Variants in DCHS2 observed in about 807,000 individuals in gnomAD.
DCHS2 encodes dachsous cadherin-related 2, also known as protocadherin-23.
DCHS2 carries 142 observed loss-of-function variants against 182.4 expected under a neutral mutation model. The observed-to-expected ratio is 0.78, with a 90% confidence interval of 0.68 to 0.89. The LOEUF (loss-of-function observed/expected upper bound fraction) is 0.89, where lower values mean the gene tolerates loss of function less well. Among genes scored for constraint, DCHS2 ranks in the 40% least tolerant of loss-of-function variants. The probability of loss-of-function intolerance (pLI) is 0.00; values close to 1 mark genes in which losing one functional copy is unlikely to be tolerated. For synonymous variants in DCHS2, 1,740 were observed against 1,663.3 expected (o/e 1.05, Z -1.12); for missense variants, 4,319 against 4,198.6 (o/e 1.03, Z -0.79).
chr4:154,317,741 A>G (rs1334174066), intron 9 of DCHS2, among the ~76,000 whole-genome samples: 1 of 152,204 alleles, frequency 6.6e-6, no homozygotes, highest in Non-Finnish European at 1.5e-5. Flanking sequence ...CTTCCATCAA[A>G]CTACATAAAA....
intron 1 of DCHS2, among the ~76,000 whole-genome samples, chr4:154,425,266 C>A (rs1733274827): frequency 6.6e-6 from 1 of 152,196 alleles, no homozygotes; most frequent in African/African-American, 2.4e-5. Flanking sequence ...CTGTACCATG[C>A]CTGCGTTGTG....
chr4:154,451,637 C>T (rs894706517), intron 1 of DCHS2, among the ~76,000 whole-genome samples: 14 of 152,092 alleles, frequency 9.2e-5, no homozygotes, highest in African/African-American at 2.4e-4. Context: ...TGAAAGTGGA[C>T]GGCTGCAGCA....
intron 14 of DCHS2, chr4:154,262,024 C>G (rs1313389283): frequency 6.6e-6 from 1 of 152,138 alleles, no homozygotes; most frequent in Non-Finnish European, 1.5e-5. Context: ...TCTCTTGTCT[C>G]CACCAAAAAG....
intron 1 of DCHS2, among the ~76,000 whole-genome samples, chr4:154,425,322 G>A (rs1045625234): frequency 6.6e-5 from 10 of 152,232 alleles, no homozygotes; most frequent in African/African-American, 1.4e-4. Flanking sequence ...CTCAAGTAGC[G>A]TGTGGAGGAC....
chr4:154,329,161 C>G (rs1450442720), intron 6 of DCHS2, among the ~76,000 whole-genome samples: 1 of 152,138 alleles, frequency 6.6e-6, no homozygotes, highest in Non-Finnish European at 1.5e-5. Context: ...AAGTAACTAT[C>G]TTAGAGACAT....
intron 3 of DCHS2, among the ~76,000 whole-genome samples, chr4:154,338,797 C>T (rs1357855325): frequency 1.3e-5 from 2 of 152,152 alleles, no homozygotes; most frequent in Non-Finnish European, 2.9e-5. Flanking sequence ...ACTTTACACA[C>T]TACATTTTAT....
chr4:154,438,569 G>C (rs775564075), intron 1 of DCHS2, among the ~76,000 whole-genome samples: 3 of 152,060 alleles, frequency 2.0e-5, no homozygotes, highest in Non-Finnish European at 4.4e-5. Context: ...CATGGGTTTT[G>C]ACTAGATTTG....
At chr4:154,431,959 T>C (rs796717240) in intron 1 of DCHS2, among the ~76,000 whole-genome samples, 14 of 152,358 alleles carry the variant, frequency 9.2e-5, no homozygotes, top group African/African-American at 3.4e-4. Flanking sequence ...ATACATATTT[T>C]TGTTTCATAT....
rs539155557 is a variant in DCHS2 at position 154,429,021 on chromosome 4, C to T, written c.2053-51577G>A. On this transcript the variant is annotated intron_variant, in intron 1 of 19. Transcript: ENST00000357232. ...AATGAAATTAAGTTCAGGGTTTTAG[C>T]AGAATATTTGATAATGGTTATAAAC... Among the ~76,000 whole-genome samples the T allele has an allele frequency of 3.3e-5, 5 of 151,800 alleles. No individual in the cohort carries two copies. The East Asian group carries it at 7.7e-4, about 24-fold the overall frequency.
chr4:154,315,665 C>T (rs1419338377), intron 10 of DCHS2, 83 bp downstream of exon 10: 1 of 1,539,036 alleles, frequency 6.5e-7, no homozygotes, highest in Non-Finnish European at 8.7e-7. Context: ...TTTTTCTGAG[C>T]CATAACTATT....
Position 154,377,111 on chromosome 4 carries a change from C to T in DCHS2, c.2244+142G>A, listed in dbSNP as rs1473825528. The stretch of plus-strand genomic sequence containing the variant: ...GAAATAACATGCTGGATATTTGCTT[C>T]AAAAAACTTCAGCAAAGGAAAGAGG... On this transcript the variant is annotated intron_variant, in intron 2 of 19. Transcript: ENST00000357232. 4 of 742,824 alleles carry T rather than the reference C, an allele frequency of 5.4e-6. No individual in the cohort carries two copies. The East Asian group carries it at 1.1e-4, about 21-fold the overall frequency. The allele number at this position is 742,824 out of a possible 1,614,324, so 46.0% of individuals were successfully genotyped here.
Position 154,316,026 on chromosome 4 carries a change from ATTC to A in DCHS2, c.5021-42_5021-40del, listed in dbSNP as rs749238560. On this transcript the variant is annotated intron_variant, in intron 9 of 19. Coordinates refer to ENST00000357232, the MANE Select transcript of DCHS2 (RefSeq NM_001358235.2). The stretch of plus-strand genomic sequence containing the variant: ...GGAAGAAAAGCAACATGTAATGAAT[ATTC>A]TTTAGAGAAGTCATGCTTACTCCAC... 1.9e-6 allele frequency: 3 copies of A among 1,609,096 alleles called. No individual in the cohort carries two copies. In the African/African-American group the frequency reaches 4.0e-5, roughly 22 times the overall value.
chr4:154,344,307 G>C (rs1187178785), intron 3 of DCHS2, among the ~76,000 whole-genome samples: 2 of 152,160 alleles, frequency 1.3e-5, no homozygotes, highest in Non-Finnish European at 2.9e-5. Flanking sequence ...CTTGAGGAGA[G>C]TTGCCACAAA....
intron 1 of DCHS2, among the ~76,000 whole-genome samples, chr4:154,387,150 G>T (rs1436825046): frequency 6.6e-6 from 1 of 152,276 alleles, no homozygotes; most frequent in South Asian, 2.1e-4. Context: ...TGTTACAATA[G>T]CATGTTTTTA....
chr4:154,252,368 C>T (rs188990796), intron 16 of DCHS2, among the ~76,000 whole-genome samples: 31 of 152,162 alleles, frequency 2.0e-4, no homozygotes, highest in East Asian at 7.7e-4. Flanking sequence ...TATTTTTAAA[C>T]GTATAATTAA....
At chr4:154,482,098 A>C (rs916848422) in intron 1 of DCHS2, among the ~76,000 whole-genome samples, 6 of 152,226 alleles carry the variant, frequency 3.9e-5, no homozygotes, top group African/African-American at 1.2e-4. Flanking sequence ...TACTGTACAG[A>C]TATGGTAGGG....
chr4:154,473,455 A>G (rs1250179664), intron 1 of DCHS2, among the ~76,000 whole-genome samples: 1 of 152,240 alleles, frequency 6.6e-6, no homozygotes, highest in Admixed American at 6.5e-5. Context: ...GAGAGCTAAT[A>G]TTATACAATG....
At chr4:154,251,623 A>G (rs1465355785) in intron 16 of DCHS2, among the ~76,000 whole-genome samples, 1 of 152,158 alleles carries the variant, frequency 6.6e-6, no homozygotes, top group African/African-American at 2.4e-5. Flanking sequence ...GGTTCAAGCG[A>G]TTCTCCTGCC....
intron 16 of DCHS2, among the ~76,000 whole-genome samples, chr4:154,253,436 C>A (rs1578862142): frequency 6.6e-6 from 1 of 152,092 alleles, no homozygotes; most frequent in East Asian, 1.9e-4. Flanking sequence ...AAGAAGAACA[C>A]TGTAACAGAA....
Sources: gnomAD v4.1 joint callset for allele counts (sites outside exome capture counted in the v4.1 genomes callset) on GRCh38, gnomAD v4.1.1 for gene constraint, MANE v1.5 for transcripts, NCBI Gene and HGNC (gene_info 2026-07-23, HGNC 2026-07-21) for gene names.